Variants in PRAM1 observed in about 807,000 individuals in gnomAD.
The protein encoded by PRAM1 is PML-RARA regulated adaptor molecule 1.
Under a neutral mutation model 55.3 loss-of-function variants are expected in PRAM1, and 41 were observed. The ratio of observed to expected loss-of-function variants is 0.74; its 90% CI spans 0.58 to 0.96. The LOEUF (loss-of-function observed/expected upper bound fraction) is 0.96. Among genes scored for constraint, PRAM1 ranks in the 40% least tolerant of loss-of-function variants. The pLI, the probability that PRAM1 is intolerant of heterozygous loss-of-function variation, is 0.00. For synonymous variants in PRAM1, 401 were observed against 387.1 expected (o/e 1.04, Z -0.42); for missense variants, 898 against 892.7 (o/e 1.01, Z -0.08).
rs1300852772 is a variant in PRAM1, at chr19:8,499,410, T to G, written c.398A>C (p.Gln133Pro). 1.2e-6 allele frequency: 2 copies of G among 1,612,606 alleles called. No homozygotes were observed. Among genetic ancestry groups the G allele is most frequent in the Non-Finnish European group, 1.7e-6 (2 of 1,179,836 alleles). The change falls in exon 2 of 10, where the codon CAG becomes CCG. Residue 133 changes from glutamine to proline, a missense_variant. Physicochemically the swap from Gln to Pro is moderately conservative, Grantham distance 76 (BLOSUM62 -1). This residue lies in a region of PRAM1 where 787 missense variants were observed against 735.4 expected (regional missense o/e 1.07). Transcript: ENST00000423345. ...CCTTGGAAACGGAGTGGCCCCCAGCTGTGGGAACTTCTTGGAGAGGTCACT... is the reference window on the plus strand; with the variant it reads ...CCTTGGAAACGGAGTGGCCCCCAGCGGTGGGAACTTCTTGGAGAGGTCACT... Reference protein sequence around the residue: ...ELSDLSKKFPQLGATPFPRKP... With the variant: ...ELSDLSKKFPPLGATPFPRKP...
chr19:8,492,825 T>C (rs1003312488), intron 4 of PRAM1, among the ~76,000 whole-genome samples: 1 of 151,832 alleles, frequency 6.6e-6, no homozygotes, highest in African/African-American at 2.4e-5. Context: ...GGTGAAACCC[T>C]GTCTCTACTA....
intron 4 of PRAM1, among the ~76,000 whole-genome samples, chr19:8,492,369 G>T (rs545555685): frequency 6.6e-6 from 1 of 152,032 alleles, no homozygotes; most frequent in Admixed American, 6.6e-5. Flanking sequence ...CGATTCTCCT[G>T]CCTCAGCATC....
intron 4 of PRAM1, among the ~76,000 whole-genome samples, chr19:8,494,962 CAG>C (rs947540952): frequency 3.9e-4 from 47 of 120,342 alleles, no homozygotes; most frequent in Middle Eastern, 6.6e-3. Flanking sequence ...GAGACAGACA[CAG>C]AGTCTCACTC....
chr19:8,495,101 G>C (rs1049531049), intron 4 of PRAM1, among the ~76,000 whole-genome samples: 1 of 150,796 alleles, frequency 6.6e-6, no homozygotes, highest in East Asian at 2.0e-4. Context: ...CACCATGCCC[G>C]ACTCATTTTT....
Position 8,490,080 on chromosome 19 carries a change from G to A in PRAM1, c.*109C>T. 2 of 1,098,226 alleles carry A rather than the reference G, an allele frequency of 1.8e-6. No individual in the cohort carries two copies. The highest frequency in any genetic ancestry group is 3.3e-5 in the South Asian group (2 of 61,316). The allele number at this position is 1,098,226 out of a possible 1,614,324, so 68.0% of individuals were successfully genotyped here. A position where few individuals can be genotyped will look rare whatever the true frequency, so the allele number is the denominator to read the frequency against. Reference sequence around the variant, plus strand: ...CTGCTTTAAACTGGGGCTTTATGTGGCCAGGTACAAGCCCAGGCAGCTCTG... The same window carrying A: ...CTGCTTTAAACTGGGGCTTTATGTGACCAGGTACAAGCCCAGGCAGCTCTG... On this transcript the variant is annotated 3_prime_UTR_variant, in exon 10 of 10. Transcript: ENST00000423345. This position sits in a 1 kb window ranked among gnomAD's most constrained non-coding sequence, Gnocchi z 7.3.
chr19:8,494,734 C>T (rs917264883), intron 4 of PRAM1, among the ~76,000 whole-genome samples: 4 of 148,126 alleles, frequency 2.7e-5, no homozygotes, highest in Admixed American at 6.8e-5. Flanking sequence ...CAGGTTCAAG[C>T]GATTCTCCTG....
At chr19:8,499,848 G>T in intron 1 of PRAM1, 68 bp from the exon 2 acceptor site, 1 of 1,342,826 alleles carries the variant, frequency 7.4e-7, no homozygotes, top group South Asian at 1.4e-5. Context: ...GATGGGCCTG[G>T]GGACCCTCAG....
intron 4 of PRAM1, among the ~76,000 whole-genome samples, chr19:8,495,059 C>T (rs1971679798): frequency 6.6e-6 from 1 of 152,084 alleles, no homozygotes; most frequent in Non-Finnish European, 1.5e-5. Flanking sequence ...CCCACCTCAG[C>T]CTTCCGAATA....
rs200547271 is a variant in PRAM1 at position 8,499,518 on chromosome 19, G to A, written c.290C>T (p.Pro97Leu). 2 of 633,518 alleles carry A rather than the reference G, an allele frequency of 3.2e-6. No individual in the cohort carries two copies. The highest frequency in any genetic ancestry group is 5.4e-5 in the East Asian group (2 of 36,866). The allele number at this position is 633,518 out of a possible 1,614,324, so 39.2% of individuals were successfully genotyped here. A position where few individuals can be genotyped will look rare whatever the true frequency, so the allele number is the denominator to read the frequency against. The change falls in exon 2 of 10, where the codon CCG (proline) becomes CTG (leucine). Residue 97 changes from proline (P) to leucine (L), a missense_variant. Pro to Leu is a moderately conservative substitution (Grantham distance 98). This residue lies in a region of PRAM1 where 30 missense variants were observed against 44.6 expected (regional missense o/e 0.67). Transcript: ENST00000423345. ...CTTGGGGAGGTCAGTGACCTCAGGCGGCGGGGGCTTCTTGGGGAGGTCAGT... is the reference window on the plus strand; with the variant it reads ...CTTGGGGAGGTCAGTGACCTCAGGCAGCGGGGGCTTCTTGGGGAGGTCAGT... ...EVTDLPKKPP[P>L]PEVTDLPKKP...
Position 8,493,910 on chromosome 19 carries a change from A to C in PRAM1, c.1577-2753T>G, listed in dbSNP as rs1356484860. Among the ~76,000 whole-genome samples the C allele has an allele frequency of 6.6e-6, 1 of 151,206 alleles. No homozygotes were observed. Among genetic ancestry groups the C allele is most frequent in the African/African-American group, 2.4e-5 (1 of 41,048 alleles). ...TCTCCTGGATTCAAGCGATCCTCCC[A>C]CCTCAGCCTCCCCAGAAGCTGGGAC... On this transcript the variant is annotated intron_variant, in intron 4 of 9. Coordinates refer to ENST00000423345, the MANE Select transcript of PRAM1 (RefSeq NM_032152.5). The surrounding 1 kb of genome is among the most constrained non-coding windows in gnomAD (Gnocchi z 4.1).
rs1321176699 is a variant in PRAM1 at position 8,498,813 on chromosome 19, G to A, written c.995C>T (p.Thr332Ile). 6.3e-7 allele frequency: 1 copy of A among 1,588,664 alleles called. No individual in the cohort carries two copies. Among genetic ancestry groups the A allele is most frequent in the Admixed American group, 1.8e-5 (1 of 55,024 alleles). ...PQPELGGLPRTSSEPEFNSLP... is the reference protein window; with the variant it reads ...PQPELGGLPRISSEPEFNSLP... ...TGAGTTGAACTCGGGCTCTGAGGAG[G>A]TCCTGGGGAGGCCGCCCAGCTCGGG... The change falls in exon 2 of 10, where the codon ACC becomes ATC. Residue 332 changes from threonine (T) to isoleucine (I), a missense_variant. Physicochemically the swap from Thr to Ile is moderately conservative, Grantham distance 89. This residue lies in a region of PRAM1 where 787 missense variants were observed against 735.4 expected (regional missense o/e 1.07). Coordinates refer to ENST00000423345, the MANE Select transcript of PRAM1 (RefSeq NM_032152.5).
rs1187610358 is a variant in PRAM1 at position 8,498,676 on chromosome 19, G to A, written c.1132C>T (p.Leu378Phe). 5 of 1,607,688 alleles carry A rather than the reference G, an allele frequency of 3.1e-6. No individual in the cohort carries two copies. Among genetic ancestry groups the A allele is most frequent in the Non-Finnish European group, 4.2e-6 (5 of 1,177,580 alleles). ...RHPQPEFFGD[L>F]PRKPPLPSSA... ...CTGGGGAGTGGAGGCTTTCGAGGGAGATCACCGAAGAACTCAGGCTGCGGG... is the reference window on the plus strand; with the variant it reads ...CTGGGGAGTGGAGGCTTTCGAGGGAAATCACCGAAGAACTCAGGCTGCGGG... Residue 378 changes from leucine to phenylalanine, a missense_variant, in exon 2 of 10, where the codon CTC becomes TTC. Leu to Phe is a conservative substitution (Grantham distance 22). This residue lies in a region of PRAM1 where 787 missense variants were observed against 735.4 expected (regional missense o/e 1.07). Coordinates refer to ENST00000423345, the MANE Select transcript of PRAM1 (RefSeq NM_032152.5).
At position 8,498,862 on chromosome 19, in the gene PRAM1, C is replaced by G; in HGVS notation, c.946G>C (p.Ala316Pro). The change falls in exon 2 of 10, where the codon GCG becomes CCG. Residue 316 changes from alanine (A) to proline (P), a missense_variant. By Grantham distance (27) the Ala-to-Pro change is conservative (BLOSUM62 -1). This residue lies in a region of PRAM1 where 787 missense variants were observed against 735.4 expected (regional missense o/e 1.07). Transcript: ENST00000423345. ...PKRPRPAEFKALSKKPPQPEL... is the reference protein window; with the variant it reads ...PKRPRPAEFKPLSKKPPQPEL... ...GGCTGCGGGGGCTTCTTGGAGAGCG[C>G]TTTGAATTCGGCCGGCCGCGGCCTC... 1 of 1,610,708 alleles carries G rather than the reference C, an allele frequency of 6.2e-7. No individual in the cohort carries two copies. Among genetic ancestry groups the G allele is most frequent in the Non-Finnish European group, 8.5e-7 (1 of 1,178,600 alleles).
chr19:8,490,161 G>T lies in PRAM1; in HGVS notation c.*28C>A. The T allele has an allele frequency of 6.5e-7, 1 of 1,528,200 alleles. No homozygotes were observed. The highest frequency in any genetic ancestry group is 2.3e-5 in the East Asian group (1 of 42,762). 94.7% of individuals were successfully genotyped at this position (1,528,200 alleles called of 1,614,324 possible). Reference sequence around the variant, plus strand: ...TGGGTGAGCGGGCGCTGGGCTGGCTGGCTGTCCTGGCCCCACGCCTACCGG... The same window carrying T: ...TGGGTGAGCGGGCGCTGGGCTGGCTTGCTGTCCTGGCCCCACGCCTACCGG... On this transcript the variant is annotated 3_prime_UTR_variant, in exon 10 of 10. Coordinates refer to ENST00000423345, the MANE Select transcript of PRAM1 (RefSeq NM_032152.5). This position sits in a 1 kb window ranked among gnomAD's most constrained non-coding sequence, Gnocchi z 7.3.
intron 4 of PRAM1, among the ~76,000 whole-genome samples, chr19:8,492,453 C>T (rs943310340): frequency 4.6e-5 from 7 of 151,546 alleles, no homozygotes; most frequent in South Asian, 2.1e-4. Context: ...GATGAGGTTT[C>T]GTCATGTTGG....
At chr19:8,492,833 C>T (rs1056617220) in intron 4 of PRAM1, among the ~76,000 whole-genome samples, 2 of 151,818 alleles carry the variant, frequency 1.3e-5, no homozygotes, top group Non-Finnish European at 2.9e-5. Flanking sequence ...CCTGTCTCTA[C>T]TAAAAATACA....
rs1451896233 is a variant in PRAM1, at chr19:8,502,621, T to G, written c.-30A>C. The G allele has an allele frequency of 1.3e-6, 2 of 1,546,510 alleles. No individual in the cohort carries two copies. Among genetic ancestry groups the G allele is most frequent in the South Asian group, 2.4e-5 (2 of 83,998 alleles). ...TGAGTGGGACCCGAGCTGGGGCCGC[T>G]GCCTTCAGGAAGTGACTGTGGCTTC... is the stretch of plus-strand genomic sequence containing the variant. On this transcript the variant is annotated 5_prime_UTR_variant, in exon 1 of 10. Transcript: ENST00000423345.
intron 1 of PRAM1, 90 bp downstream of exon 1, chr19:8,502,475 C>T (rs558902619): frequency 1.7e-4 from 89 of 528,962 alleles, no homozygotes; most frequent in African/African-American, 1.6e-3. Context: ...CCCCCCCGCC[C>T]GCCCCTCCAC....
Position 8,496,114 on chromosome 19 carries a change from C to T in PRAM1, c.1576+1650G>A, listed in dbSNP as rs574049670. ...GACATCCCCTCAGCTACCTTGAACA[C>T]AACAGGTCTAAGTAAATCAGGCTGG... On this transcript the variant is annotated intron_variant, in intron 4 of 9. Transcript: ENST00000423345. 2.9e-5 allele frequency: 13 copies of T among 456,052 alleles called. No homozygotes were observed. In the East Asian group the frequency reaches 9.0e-4, roughly 32 times the overall value. 28.3% of individuals were successfully genotyped at this position (456,052 alleles called of 1,614,324 possible).
Sources: gnomAD v4.1 joint callset for allele counts (sites outside exome capture counted in the v4.1 genomes callset) on GRCh38, gnomAD v4.1.1 for gene constraint, gnomAD v4.1.1 regional missense constraint, Gnocchi (gnomAD v3.1) non-coding constraint, MANE v1.5 for transcripts, NCBI Gene and HGNC (gene_info 2026-07-23, HGNC 2026-07-21) for gene names.